PCDHA2: variants seen among roughly 807,000 people sequenced by gnomAD.
PCDHA2 encodes protocadherin alpha 2, also known as protocadherin alpha-2.
A neutral mutation model predicts 66.0 loss-of-function variants in PCDHA2; 58 were observed. That is an observed-to-expected ratio of 0.88 (90% CI 0.71 to 1.09). The LOEUF (loss-of-function observed/expected upper bound fraction) is 1.09, where lower values mean the gene tolerates loss of function less well. PCDHA2 is among the 50% of genes least tolerant of loss of function. The probability of loss-of-function intolerance (pLI) is 0.00; values close to 1 mark genes in which losing one functional copy is unlikely to be tolerated. For synonymous variants in PCDHA2, 634 were observed against 554.0 expected (o/e 1.14, Z -2.03); for missense variants, 1,267 against 1,242.3 (o/e 1.02, Z -0.30).
At chr5:141,009,271 A>G (rs1420991909) in intron 3 of PCDHA2, among the ~76,000 whole-genome samples, 15 of 152,156 alleles carry the variant, frequency 9.9e-5, no homozygotes, top group Admixed American at 6.5e-4. Context: ...CCTGGGCAAC[A>G]TAGTGAGATC....
chr5:140,907,598 A>G (rs2073483512), intron 1 of PCDHA2, among the ~76,000 whole-genome samples: 1 of 152,198 alleles, frequency 6.6e-6, no homozygotes, highest in Admixed American at 6.5e-5. Context: ...CACCCTGAGG[A>G]ATGGTGCCAT....
At chr5:140,933,613 A>G (rs1441475985) in intron 1 of PCDHA2, among the ~76,000 whole-genome samples, 1 of 151,962 alleles carries the variant, frequency 6.6e-6, no homozygotes, top group Non-Finnish European at 1.5e-5. Flanking sequence ...TTCTTTTCTT[A>G]TTAGGTTAGG....
chr5:140,913,036 A>G (rs2076178944), intron 1 of PCDHA2, among the ~76,000 whole-genome samples: 3 of 152,190 alleles, frequency 2.0e-5, no homozygotes, highest in African/African-American at 7.2e-5. Context: ...CATCAGATAT[A>G]TTGGCCTGGA....
chr5:140,796,890 CCCTCGACACCG>C lies in PCDHA2; in HGVS notation c.1930_1940del (p.Arg644ThrfsTer128). On this transcript the variant is annotated frameshift_variant, in exon 1 of 4. Transcript: ENST00000526136. LOFTEE classifies it high-confidence loss of function. Reference sequence around the variant, plus strand: ...CACGTGCCCTAGACGAGGCTGACTCCCCTCGACACCGCCTACTCGTGCTGGTGAAGGACCAC... The same window carrying C: ...CACGTGCCCTAGACGAGGCTGACTCCCCTACTCGTGCTGGTGAAGGACCAC... The C allele has an allele frequency of 1.2e-6, 2 of 1,613,974 alleles. No homozygotes were observed. The highest frequency in any genetic ancestry group is 1.7e-6 in the Non-Finnish European group (2 of 1,179,992).
intron 1 of PCDHA2, among the ~76,000 whole-genome samples, chr5:140,914,069 A>G (rs1042316751): frequency 2.8e-4 from 43 of 152,216 alleles, no homozygotes; most frequent in Non-Finnish European, 5.6e-4. Context: ...GAAATGCTCC[A>G]TAACTATCTA....
At chr5:140,999,088 G>T (rs1429141341) in intron 3 of PCDHA2, among the ~76,000 whole-genome samples, 1 of 152,156 alleles carries the variant, frequency 6.6e-6, no homozygotes, top group Non-Finnish European at 1.5e-5. Context: ...TCCTTCAGAG[G>T]GCTATGGAGA....
intron 1 of PCDHA2, chr5:140,929,073 T>C (rs782591499): frequency 1.9e-6 from 3 of 1,614,200 alleles, no homozygotes; most frequent in Non-Finnish European, 2.5e-6. Flanking sequence ...ATCTGAGGTA[T>C]GGAAGTAAGA....
At chr5:140,917,206 T>G (rs1313611985) in intron 1 of PCDHA2, among the ~76,000 whole-genome samples, 1 of 152,104 alleles carries the variant, frequency 6.6e-6, no homozygotes, top group Admixed American at 6.5e-5. Context: ...CCCTCTTCAA[T>G]GCCTCTTTTA....
At chr5:140,999,526 C>G (rs1429753507) in intron 3 of PCDHA2, among the ~76,000 whole-genome samples, 1 of 152,026 alleles carries the variant, frequency 6.6e-6, no homozygotes, top group Non-Finnish European at 1.5e-5. Context: ...TTTGTTACCC[C>G]CTGGATATGA....
At chr5:140,829,077 C>T in intron 1 of PCDHA2, 2 of 1,611,602 alleles carry the variant, frequency 1.2e-6, no homozygotes, top group Non-Finnish European at 1.7e-6. Context: ...GGCCATCCTC[C>T]CATGGCGGGT....
intron 1 of PCDHA2, chr5:140,811,522 C>T (rs1447514346): frequency 6.6e-6 from 1 of 151,940 alleles, no homozygotes; most frequent in South Asian, 2.1e-4. Flanking sequence ...AGATATATAC[C>T]CAGTAATGGG....
intron 1 of PCDHA2, chr5:140,842,209 T>C (rs1777791559): frequency 6.2e-7 from 1 of 1,613,490 alleles, no homozygotes. Flanking sequence ...TTAGCATAGA[T>C]CGAAATACGG....
intron 1 of PCDHA2, chr5:140,870,988 G>T: frequency 6.2e-7 from 1 of 1,613,492 alleles, no homozygotes; most frequent in Non-Finnish European, 8.5e-7. Flanking sequence ...GTACACGGGC[G>T]AGATAAGCAC....
At position 140,853,772 on chromosome 5, in the gene PCDHA2, T is replaced by C. The variant is rs1315934965; in HGVS notation, c.2388+56420T>C. 8 of 988,006 alleles carry C rather than the reference T, an allele frequency of 8.1e-6. No homozygotes were observed. The African/African-American group carries it at 1.4e-4, about 17-fold the overall frequency. 61.2% of individuals were successfully genotyped at this position (988,006 alleles called of 1,614,324 possible). On this transcript the variant is annotated intron_variant, in intron 1 of 3. Coordinates refer to ENST00000526136, the MANE Select transcript of PCDHA2 (RefSeq NM_018905.3). Reference sequence around the variant, plus strand: ...AGGCTCCACCTCAGAAATTCTGAAATGGGTAGTAAGAGCAAATTTTCATTT... The same window carrying C: ...AGGCTCCACCTCAGAAATTCTGAAACGGGTAGTAAGAGCAAATTTTCATTT...
At chr5:140,961,887 G>GTTT (rs35680913) in intron 1 of PCDHA2, among the ~76,000 whole-genome samples, 3 of 143,936 alleles carry the variant, frequency 2.1e-5, no homozygotes, top group Non-Finnish European at 3.1e-5. Context: ...ACTTACATCA[G>GTTT]TTTTTTTTTT....
At chr5:140,878,735 C>T (rs2057715661) in intron 1 of PCDHA2, among the ~76,000 whole-genome samples, 1 of 152,198 alleles carries the variant, frequency 6.6e-6, no homozygotes, top group Non-Finnish European at 1.5e-5. Context: ...AGCCTTATAT[C>T]TACTTTCTTA....
chr5:140,853,378 T>G, intron 1 of PCDHA2: 1 of 985,390 alleles, frequency 1.0e-6, no homozygotes, highest in Non-Finnish European at 1.2e-6. Context: ...ATGGTAAAAT[T>G]CAAAACAGCC....
intron 1 of PCDHA2, chr5:140,966,879 GC>G: frequency 1.3e-6 from 2 of 1,587,514 alleles, no homozygotes; most frequent in Non-Finnish European, 1.7e-6. Flanking sequence ...CTGCTACCTG[GC>G]CCTGCGGCCT....
At chr5:140,892,945 T>C (rs1554185456) in intron 1 of PCDHA2, among the ~76,000 whole-genome samples, 3 of 152,336 alleles carry the variant, frequency 2.0e-5, no homozygotes, top group South Asian at 2.1e-4. Flanking sequence ...AGCACAATAC[T>C]ACTTCCATGA....
Sources: gnomAD v4.1 joint callset for allele counts (sites outside exome capture counted in the v4.1 genomes callset) on GRCh38, gnomAD v4.1.1 for gene constraint, MANE v1.5 for transcripts, NCBI Gene and HGNC (gene_info 2026-07-23, HGNC 2026-07-21) for gene names.